NBEA: variants seen among roughly 807,000 people sequenced by gnomAD.
NBEA encodes lysosomal-trafficking regulator 2.
Under a neutral mutation model 343.4 loss-of-function variants are expected in NBEA, and 44 were observed. That is an observed-to-expected ratio of 0.13 (90% confidence interval 0.10 to 0.16). NBEA has a LOEUF of 0.16. NBEA is among the 10% of genes least tolerant of loss of function. The pLI is 1.00. For synonymous variants in NBEA, 1,175 were observed against 1,238.7 expected, an observed-to-expected ratio of 0.95 and a Z score of 1.08; for missense variants, 2,555 against 3,631.3, an observed-to-expected ratio of 0.70 and a Z score of 7.62.
At chr13:35,070,181 C>G in intron 9 of NBEA, 76 bp downstream of exon 9, 1 of 1,287,760 alleles carries the variant, frequency 7.8e-7, no homozygotes, top group Non-Finnish European at 1.0e-6. Flanking sequence ...TCAAACATTG[C>G]TCATCTATAA....
chr13:35,552,550 AATC>A (rs1160621058), intron 43 of NBEA, among the ~76,000 whole-genome samples: 3 of 152,208 alleles, frequency 2.0e-5, no homozygotes, highest in Non-Finnish European at 2.9e-5. Context: ...GACTCATAAT[AATC>A]ATTACTTCCT....
chr13:35,574,663 A>G (rs1368124759), intron 45 of NBEA, among the ~76,000 whole-genome samples: 2 of 152,028 alleles, frequency 1.3e-5, no homozygotes, highest in Admixed American at 1.3e-4. Flanking sequence ...AGTCAGGAGG[A>G]TTGCTTGAGG....
intron 41 of NBEA, among the ~76,000 whole-genome samples, chr13:35,488,347 G>GT (rs1209818190): frequency 3.3e-5 from 5 of 151,570 alleles, no homozygotes; most frequent in South Asian, 2.1e-4. Flanking sequence ...CCTTCGTATA[G>GT]TTTTTTTTCC....
rs180711475 is a variant in NBEA, at chr13:35,639,742, C to T, written c.7618-6127C>T. 1.1e-3 allele frequency among the ~76,000 whole-genome samples: 162 copies of T among 151,958 alleles called. 1 individual carries two copies. The highest frequency in any genetic ancestry group is 6.8e-3 in the Admixed American group (104 of 15,272). ...GTTAGTGAATTTACTGGTATTTGGA[C>T]GTAGTTTGATATTTTGCATTGTGGG... On this transcript the variant is annotated intron_variant, in intron 49 of 58. Transcript: ENST00000379939.
intron 41 of NBEA, among the ~76,000 whole-genome samples, chr13:35,487,151 G>A (rs1486031317): frequency 6.6e-6 from 1 of 151,864 alleles, no homozygotes; most frequent in East Asian, 1.9e-4. Context: ...TTCCAAGAAA[G>A]CTATGCCAAT....
intron 40 of NBEA, among the ~76,000 whole-genome samples, chr13:35,457,773 T>A (rs1042957632): frequency 1.3e-5 from 2 of 152,150 alleles, no homozygotes; most frequent in Non-Finnish European, 2.9e-5. Context: ...CACGCCCAGC[T>A]AATTTTTTGT....
chr13:35,471,943 C>T (rs2152958567), intron 40 of NBEA, among the ~76,000 whole-genome samples: 1 of 152,236 alleles, frequency 6.6e-6, no homozygotes, highest in East Asian at 1.9e-4. Context: ...TAGATCCTTG[C>T]CCCCTTCTCG....
intron 34 of NBEA, among the ~76,000 whole-genome samples, chr13:35,250,439 C>A (rs764990119): frequency 6.1e-4 from 93 of 152,052 alleles, no homozygotes; most frequent in Non-Finnish European, 1.2e-3. Context: ...AAAAAGTCAA[C>A]CTCATTTGCA....
intron 7 of NBEA, among the ~76,000 whole-genome samples, chr13:35,057,108 G>A (rs2063297312): frequency 6.6e-6 from 1 of 152,052 alleles, no homozygotes; most frequent in Non-Finnish European, 1.5e-5. Context: ...CAAAGTGAAA[G>A]GTTTGTTTTA....
intron 35 of NBEA, among the ~76,000 whole-genome samples, chr13:35,298,211 GTATATATATATATATATATATATA>G: frequency 9.7e-6 from 1 of 103,034 alleles, no homozygotes; most frequent in South Asian, 3.1e-4. Flanking sequence ...GTGTGTGTGT[GTATATATATATATATATATATATA>G]TATATATATA....
At chr13:35,343,688 G>C (rs938218513) in intron 36 of NBEA, among the ~76,000 whole-genome samples, 1 of 152,076 alleles carries the variant, frequency 6.6e-6, no homozygotes, top group African/African-American at 2.4e-5. Context: ...TATCATAGGA[G>C]CATGGACCCT....
chr13:35,468,828 G>C (rs545416315), intron 40 of NBEA, among the ~76,000 whole-genome samples: 27 of 152,228 alleles, frequency 1.8e-4, no homozygotes, highest in African/African-American at 6.0e-4. Context: ...GCCGTGCACA[G>C]CGGCTCATGC....
At chr13:35,594,317 T>TGTC (rs2081663924) in intron 47 of NBEA, among the ~76,000 whole-genome samples, 1 of 152,108 alleles carries the variant, frequency 6.6e-6, no homozygotes, top group African/African-American at 2.4e-5. Context: ...AAATCAAAAT[T>TGTC]GTCATTCACA....
At chr13:35,478,526 C>T (rs1456624442) in intron 41 of NBEA, among the ~76,000 whole-genome samples, 8 of 152,398 alleles carry the variant, frequency 5.2e-5, no homozygotes, top group Non-Finnish European at 1.2e-4. Flanking sequence ...CGCCGCCTCT[C>T]TCTCGCTGCT....
intron 1 of NBEA, among the ~76,000 whole-genome samples, chr13:35,033,388 T>C (rs1052046438): frequency 3.3e-5 from 5 of 152,142 alleles, no homozygotes; most frequent in Admixed American, 6.6e-5. Context: ...GCCAGTACCA[T>C]GCTGTTTTGG....
At chr13:35,085,832 C>A (rs1216560821) in intron 10 of NBEA, among the ~76,000 whole-genome samples, 3 of 152,040 alleles carry the variant, frequency 2.0e-5, no homozygotes, top group South Asian at 2.1e-4. Flanking sequence ...ATCTAGAAAA[C>A]CCCATCATCT....
At chr13:35,649,608 G>A (rs1283359389) in intron 51 of NBEA, 47 bp from the exon 52 acceptor site, 2 of 1,489,416 alleles carry the variant, frequency 1.3e-6, no homozygotes, top group Non-Finnish European at 1.9e-6. Context: ...CACTAACTAT[G>A]TTATTCCTTT....
intron 34 of NBEA, among the ~76,000 whole-genome samples, chr13:35,267,657 CAAAAA>C (rs144075829): frequency 6.7e-6 from 1 of 149,522 alleles, no homozygotes; most frequent in Non-Finnish European, 1.5e-5. Context: ...AACTCAACCA[CAAAAA>C]AAAACTCAAA....
intron 34 of NBEA, among the ~76,000 whole-genome samples, chr13:35,257,037 A>G (rs1240083737): frequency 6.6e-6 from 1 of 151,948 alleles, no homozygotes; most frequent in Non-Finnish European, 1.5e-5. Context: ...TGCCTCCCCC[A>G]CTGCAGTTGG....
Sources: gnomAD v4.1 joint callset for allele counts (sites outside exome capture counted in the v4.1 genomes callset) on GRCh38, gnomAD v4.1.1 for gene constraint, MANE v1.5 for transcripts, NCBI Gene and HGNC (gene_info 2026-07-23, HGNC 2026-07-21) for gene names.